HOXC13: variants seen among roughly 807,000 people sequenced by gnomAD.
The protein encoded by HOXC13 is homeobox protein Hox-C13.
HOXC13 carries 10 observed loss-of-function variants against 25.9 expected under a neutral mutation model. That is an observed-to-expected ratio of 0.39 (90% CI 0.24 to 0.65). The LOEUF (loss-of-function observed/expected upper bound fraction) is 0.65. HOXC13 is among the 30% of genes least tolerant of loss of function. The pLI is 0.50. For synonymous variants in HOXC13, 233 were observed against 217.1 expected, an observed-to-expected ratio of 1.07 and a Z score of -0.64; for missense variants, 439 against 478.3, an observed-to-expected ratio of 0.92 and a Z score of 0.77.
At chr12:53,943,619 T>C (rs1169694175) in intron 1 of HOXC13, among the ~76,000 whole-genome samples, 2 of 152,234 alleles carry the variant, frequency 1.3e-5, no homozygotes, top group African/African-American at 4.8e-5. Context: ...CATTTTGTTT[T>C]CCCCTGTGTC....
At chr12:53,944,884 C>A in intron 1 of HOXC13, 116 bp from the exon 2 acceptor site, 1 of 1,313,590 alleles carries the variant, frequency 7.6e-7, no homozygotes, top group South Asian at 1.3e-5. Context: ...CTATGCAGTG[C>A]AATCCTCTGG....
At position 53,945,041 on chromosome 12, in the gene HOXC13, G is replaced by T; in HGVS notation, c.778G>T (p.Gly260Trp). Residue 260 changes from glycine (G) to tryptophan (W), a missense_variant, in exon 2 of 2, where the codon GGG becomes TGG. Physicochemically the swap from Gly to Trp is radical, Grantham distance 184. Coordinates refer to ENST00000243056, the MANE Select transcript of HOXC13 (RefSeq NM_017410.3). The surrounding 1 kb of genome is among the most constrained non-coding windows in gnomAD (Gnocchi z 4.4). The stretch of plus-strand genomic sequence containing the variant: ...GCCCGAGGTGAGCAGCTACCGGCGC[G>T]GGCGCAAGAAACGCGTGCCCTACAC... ...LQPEVSSYRR[G>W]RKKRVPYTKV... 1 of 1,613,962 alleles carries T rather than the reference G, an allele frequency of 6.2e-7. No homozygotes were observed. Among genetic ancestry groups the T allele is most frequent in the African/African-American group, 1.3e-5 (1 of 75,016 alleles).
chr12:53,938,997 G>A lies in HOXC13; in HGVS notation c.91G>A (p.Gly31Ser), dbSNP rs748253248. 5 of 1,501,920 alleles carry A rather than the reference G, an allele frequency of 3.3e-6. No individual in the cohort carries two copies. The highest frequency in any genetic ancestry group is 1.2e-5 in the South Asian group (1 of 80,890). 93.0% of individuals were successfully genotyped at this position (1,501,920 alleles called of 1,614,324 possible). ...CGCGGCGGAGAGCGGCATCGGCGGC[G>A]GCGGCGGAGGAGGAGGCGGCGGCAC... is the stretch of plus-strand genomic sequence containing the variant. ...DSAAESGIGG[G>S]GGGGGGGTGG... Residue 31 changes from glycine to serine, a missense_variant, in exon 1 of 2, where the codon GGC (glycine) becomes AGC (serine). Transcript: ENST00000243056.
At chr12:53,944,357 C>T (rs568667808) in intron 1 of HOXC13, among the ~76,000 whole-genome samples, 4 of 152,306 alleles carry the variant, frequency 2.6e-5, no homozygotes, top group South Asian at 2.1e-4. Context: ...ACATCCCTAA[C>T]GTAGGGCCAG....
chr12:53,946,372 T>G lies in HOXC13; in HGVS notation c.*1116T>G, dbSNP rs1455733453. 1 of 222,380 alleles carries G rather than the reference T, an allele frequency of 4.5e-6. No individual in the cohort carries two copies. The highest frequency in any genetic ancestry group is 9.0e-6 in the Non-Finnish European group (1 of 111,054). 13.8% of individuals were successfully genotyped at this position (222,380 alleles called of 1,614,324 possible). ...GGCCCCTTGCCTCTTCCCTTCCCAC[T>G]GGTGCATTACAAAACAGTGTTCTTT... is the stretch of plus-strand genomic sequence containing the variant. On this transcript the variant is annotated 3_prime_UTR_variant, in exon 2 of 2. Coordinates refer to ENST00000243056, the MANE Select transcript of HOXC13 (RefSeq NM_017410.3).
Position 53,939,672 on chromosome 12 carries a change from C to CCGT in HOXC13, c.736+32_736+33insTCG. Reference sequence around the variant, plus strand: ...GGAAGGGACCCGAGCGCCGCCGCCGCCGGGGACCCCTCCCCGCCCTGCCTG... The same window carrying CCGT: ...GGAAGGGACCCGAGCGCCGCCGCCGCCGTCGGGGACCCCTCCCCGCCCTGCCTG... On this transcript the variant is annotated intron_variant, in intron 1 of 1. Coordinates refer to ENST00000243056, the MANE Select transcript of HOXC13 (RefSeq NM_017410.3). This position sits in a 1 kb window ranked among gnomAD's most constrained non-coding sequence, Gnocchi z 6.7. 7.4e-7 allele frequency: 1 copy of CCGT among 1,350,944 alleles called. No individual in the cohort carries two copies. 83.7% of individuals were successfully genotyped at this position (1,350,944 alleles called of 1,614,324 possible).
At position 53,945,665 on chromosome 12, in the gene HOXC13, GA is replaced by G; in HGVS notation, c.*410del. ...GCCTCATCCTATGACCAGGCTTTTA[GA>G]GGACCTTCCCTAAGGGCGCAGCTTC... On this transcript the variant is annotated 3_prime_UTR_variant, in exon 2 of 2. Transcript: ENST00000243056. This position sits in a 1 kb window ranked among gnomAD's most constrained non-coding sequence, Gnocchi z 4.4. 1 of 300,910 alleles carries G rather than the reference GA, an allele frequency of 3.3e-6. No individual in the cohort carries two copies. 18.6% of individuals were successfully genotyped at this position (300,910 alleles called of 1,614,324 possible).
In HOXC13 at chr12:53,944,930, C is replaced by T. The variant is rs1242220762; in HGVS notation, c.737-70C>T. On this transcript the variant is annotated intron_variant, in intron 1 of 1. Transcript: ENST00000243056. ...CCCCTGCCAGAACTCTGTGCCTAGG[C>T]AGCCTCGGGTCCTCTATCTCAGTCC... 4.4e-6 allele frequency: 7 copies of T among 1,595,718 alleles called. No individual in the cohort carries two copies. In the African/African-American group the frequency reaches 8.1e-5, roughly 18 times the overall value.
At position 53,939,078 on chromosome 12, in the gene HOXC13, G is replaced by A; in HGVS notation, c.172G>A (p.Asp58Asn). 3 of 1,436,512 alleles carry A rather than the reference G, an allele frequency of 2.1e-6. No homozygotes were observed. Among genetic ancestry groups the A allele is most frequent in the Non-Finnish European group, 2.7e-6 (3 of 1,105,554 alleles). The allele number at this position is 1,436,512 out of a possible 1,614,324, so 89.0% of individuals were successfully genotyped here. Residue 58 changes from aspartate (D) to asparagine (N), a missense_variant, in exon 1 of 2, where the codon GAT (aspartate) becomes AAT (asparagine). Asp to Asn is a conservative substitution (Grantham distance 23). Coordinates refer to ENST00000243056, the MANE Select transcript of HOXC13 (RefSeq NM_017410.3). The surrounding 1 kb of genome is among the most constrained non-coding windows in gnomAD (Gnocchi z 6.7). ...GASPGKAPSM[D>N]GLGSSCPASH... ...GAGCCCCGGCAAAGCCCCGAGCATG[G>A]ATGGTCTGGGCAGCAGCTGCCCGGC...
At chr12:53,944,735 C>T (rs531038543) in intron 1 of HOXC13, among the ~76,000 whole-genome samples, 2 of 152,140 alleles carry the variant, frequency 1.3e-5, no homozygotes, top group Admixed American at 6.5e-5. Context: ...ATTCGTTTTG[C>T]TTTTTTAAAC....
In HOXC13 at chr12:53,945,127, G is replaced by C; in HGVS notation, c.864G>C (p.Glu288Asp). 6.2e-7 allele frequency: 1 copy of C among 1,613,904 alleles called. No individual in the cohort carries two copies. The highest frequency in any genetic ancestry group is 8.5e-7 in the Non-Finnish European group (1 of 1,180,020). The change falls in exon 2 of 2, where the codon GAG (glutamate) becomes GAC (aspartate). Residue 288 changes from glutamate to aspartate, a missense_variant. By Grantham distance (45) the Glu-to-Asp change is conservative (BLOSUM62 2). Transcript: ENST00000243056. The surrounding 1 kb of genome is among the most constrained non-coding windows in gnomAD (Gnocchi z 4.4). ...CGGCTAGCAAGTTCATCACCAAAGA[G>C]AAGCGCCGGCGCATCTCCGCCACCA... is the stretch of plus-strand genomic sequence containing the variant. ...EYAASKFITKEKRRRISATTN... is the reference protein window; with the variant it reads ...EYAASKFITKDKRRRISATTN...
chr12:53,943,156 G>A (rs1428311700), intron 1 of HOXC13, among the ~76,000 whole-genome samples: 1 of 152,154 alleles, frequency 6.6e-6, no homozygotes, highest in Non-Finnish European at 1.5e-5. Context: ...ATCTGGTTCT[G>A]CCACTTAAGT....
intron 1 of HOXC13, among the ~76,000 whole-genome samples, chr12:53,940,238 G>T (rs1353166319): frequency 6.6e-6 from 1 of 152,216 alleles, no homozygotes; most frequent in Non-Finnish European, 1.5e-5. Context: ...GGGAACAGAA[G>T]ATCCAAAATC....
At chr12:53,942,772 C>T (rs1041244517) in intron 1 of HOXC13, among the ~76,000 whole-genome samples, 1 of 152,182 alleles carries the variant, frequency 6.6e-6, no homozygotes, top group African/African-American at 2.4e-5. Flanking sequence ...GAGGCCAAAC[C>T]AACCTGCAGT....
At chr12:53,942,020 G>C (rs903334460) in intron 1 of HOXC13, among the ~76,000 whole-genome samples, 1 of 152,114 alleles carries the variant, frequency 6.6e-6, no homozygotes, top group Non-Finnish European at 1.5e-5. Flanking sequence ...TGGTGTGGGA[G>C]ATGGAGGCAA....
At position 53,945,479 on chromosome 12, in the gene HOXC13, C is replaced by T. The variant is rs1938680012; in HGVS notation, c.*223C>T. 1 of 587,690 alleles carries T rather than the reference C, an allele frequency of 1.7e-6. No homozygotes were observed. The highest frequency in any genetic ancestry group is 3.0e-6 in the Non-Finnish European group (1 of 332,412). The allele number at this position is 587,690 out of a possible 1,614,324, so 36.4% of individuals were successfully genotyped here. A position where few individuals can be genotyped will look rare whatever the true frequency, so the allele number is the denominator to read the frequency against. ...CCCCATCCAGATGGGACTCACGTGG[C>T]TTCAACAGCTTTGGAAATGGGTCCC... On this transcript the variant is annotated 3_prime_UTR_variant, in exon 2 of 2. Coordinates refer to ENST00000243056, the MANE Select transcript of HOXC13 (RefSeq NM_017410.3). This position sits in a 1 kb window ranked among gnomAD's most constrained non-coding sequence, Gnocchi z 4.4.
At chr12:53,944,769 T>C (rs1248372258) in intron 1 of HOXC13, among the ~76,000 whole-genome samples, 1 of 152,218 alleles carries the variant, frequency 6.6e-6, no homozygotes, top group African/African-American at 2.4e-5. Context: ...ATCGTCTTGA[T>C]TACTGAGTTT....
Position 53,945,511 on chromosome 12 carries a change from GCCGTGCGAGGA to G in HOXC13, c.*256_*266del. The G allele has an allele frequency of 1.8e-6, 1 of 541,996 alleles. No homozygotes were observed. The highest frequency in any genetic ancestry group is 3.3e-6 in the Non-Finnish European group (1 of 301,432). The allele number at this position is 541,996 out of a possible 1,614,324, so 33.6% of individuals were successfully genotyped here. A position where few individuals can be genotyped will look rare whatever the true frequency, so the allele number is the denominator to read the frequency against. On this transcript the variant is annotated 3_prime_UTR_variant, in exon 2 of 2. Transcript: ENST00000243056. This position sits in a 1 kb window ranked among gnomAD's most constrained non-coding sequence, Gnocchi z 4.4. ...AGCTTTGGAAATGGGTCCCGAGTGG[GCCGTGCGAGGA>G]AGGCTGTCGACCTCTACTCCTCCTT...
rs963286896 is a variant in HOXC13, at chr12:53,945,661, T to A, written c.*405T>A. 3.3e-6 allele frequency: 1 copy of A among 302,822 alleles called. No individual in the cohort carries two copies. The highest frequency in any genetic ancestry group is 6.2e-6 in the Non-Finnish European group (1 of 160,014). 18.8% of individuals were successfully genotyped at this position (302,822 alleles called of 1,614,324 possible). A position where few individuals can be genotyped will look rare whatever the true frequency, so the allele number is the denominator to read the frequency against. ...TCTTGCCTCATCCTATGACCAGGCT[T>A]TTAGAGGACCTTCCCTAAGGGCGCA... is the stretch of plus-strand genomic sequence containing the variant. On this transcript the variant is annotated 3_prime_UTR_variant, in exon 2 of 2. Transcript: ENST00000243056. This position sits in a 1 kb window ranked among gnomAD's most constrained non-coding sequence, Gnocchi z 4.4.
Sources: gnomAD v4.1 joint callset for allele counts (sites outside exome capture counted in the v4.1 genomes callset) on GRCh38, gnomAD v4.1.1 for gene constraint, Gnocchi (gnomAD v3.1) non-coding constraint, MANE v1.5 for transcripts, NCBI Gene and HGNC (gene_info 2026-07-23, HGNC 2026-07-21) for gene names.